The following MAOB variants were observed in gnomAD, a reference collection of about 807,000 sequenced individuals.
MAOB encodes the protein amine oxidase [flavin-containing] B.
MAOB carries 15 observed loss-of-function variants against 41.9 expected under a neutral mutation model. The ratio of observed to expected loss-of-function variants is 0.36; its 90% CI spans 0.24 to 0.55. The LOEUF is 0.55. MAOB is among the 20% of genes least tolerant of loss of function. The pLI is 0.86. For synonymous variants in MAOB, 167 were observed against 144.2 expected (o/e 1.16, Z -1.13); for missense variants, 345 against 398.7 (o/e 0.87, Z 1.15).
intron 11 of MAOB, among the ~76,000 whole-genome samples, chrX:43,775,648 C>A (rs922748658): frequency 9.0e-6 from 1 of 111,657 alleles, no homozygotes; most frequent in African/African-American, 3.3e-5. Context: ...GAAAAAAAGA[C>A]AGAAAAATAT....
At chrX:43,837,264 C>A (rs910584319) in intron 3 of MAOB, among the ~76,000 whole-genome samples, 1 of 112,715 alleles carries the variant, frequency 8.9e-6, no homozygotes, top group Non-Finnish European at 1.9e-5. Flanking sequence ...TGATGTTCAA[C>A]AAATCACATT....
intron 1 of MAOB, among the ~76,000 whole-genome samples, chrX:43,869,697 A>AT (rs1442943906): frequency 8.9e-6 from 1 of 112,404 alleles, no homozygotes; most frequent in Non-Finnish European, 1.9e-5. Context: ...CTCTTACATC[A>AT]TTTTTTGAAT....
chrX:43,770,746 C>T (rs772962211), intron 12 of MAOB, among the ~76,000 whole-genome samples: 166 of 111,970 alleles, frequency 1.5e-3, no homozygotes, highest in African/African-American at 4.7e-3. Flanking sequence ...CCATGTCTAA[C>T]AGATGTCAAA....
chrX:43,881,595 GC>G (rs1445382225), intron 1 of MAOB, among the ~76,000 whole-genome samples: 1 of 112,120 alleles, frequency 8.9e-6, no homozygotes, highest in African/African-American at 3.3e-5. Context: ...CCCCATCCTT[GC>G]CAAATATGGG....
intron 1 of MAOB, among the ~76,000 whole-genome samples, chrX:43,860,206 T>C (rs1271696143): frequency 8.9e-6 from 1 of 111,998 alleles, no homozygotes; most frequent in African/African-American, 3.2e-5. Flanking sequence ...TTGAGCCTCT[T>C]CTTTTTTCAA....
intron 1 of MAOB, among the ~76,000 whole-genome samples, chrX:43,856,838 G>A (rs1283154034): frequency 1.1e-4 from 12 of 108,557 alleles, no homozygotes; most frequent in African/African-American, 4.0e-4. Context: ...TGCCCCAAGG[G>A]TGACAGAGAC....
At chrX:43,876,553 T>C (rs1211307870) in intron 1 of MAOB, among the ~76,000 whole-genome samples, 3 of 111,795 alleles carry the variant, frequency 2.7e-5, no homozygotes, top group Non-Finnish European at 3.8e-5. Context: ...AAGCTCCACA[T>C]TTAGGGGAAC....
intron 1 of MAOB, among the ~76,000 whole-genome samples, chrX:43,856,731 T>C (rs769961407): frequency 1.7e-3 from 184 of 110,489 alleles, no homozygotes; most frequent in African/African-American, 6.0e-3. Flanking sequence ...TATTTACTAT[T>C]CATTAAGTGG....
intron 2 of MAOB, among the ~76,000 whole-genome samples, chrX:43,842,220 A>T (rs1422555721): frequency 1.8e-5 from 2 of 112,478 alleles, no homozygotes; most frequent in African/African-American, 6.5e-5. Flanking sequence ...CAAGAGACAA[A>T]TAACCAGATT....
chrX:43,870,984 C>T (rs1272980550), intron 1 of MAOB, among the ~76,000 whole-genome samples: 1 of 110,606 alleles, frequency 9.0e-6, no homozygotes, highest in Admixed American at 9.7e-5. Context: ...TAAGCAGCCT[C>T]TGAGATGGGT....
chrX:43,882,206 C>G, intron 1 of MAOB, 48 bp downstream of exon 1: 1 of 1,200,558 alleles, frequency 8.3e-7, no homozygotes, highest in Non-Finnish European at 1.1e-6. Flanking sequence ...CAGGCAGCCA[C>G]CTGTCCGAGC....
intron 1 of MAOB, among the ~76,000 whole-genome samples, chrX:43,874,096 G>GT: frequency 1.8e-5 from 2 of 112,123 alleles, no homozygotes; most frequent in African/African-American, 6.5e-5. Flanking sequence ...TCTGTTTTTA[G>GT]TTTTTTAAAG....
intron 3 of MAOB, among the ~76,000 whole-genome samples, chrX:43,806,950 T>C (rs1373183044): frequency 9.0e-6 from 1 of 111,473 alleles, no homozygotes; most frequent in Non-Finnish European, 1.9e-5. Flanking sequence ...TTTTTGGCAC[T>C]AGAAGATTCT....
chrX:43,858,991 A>T (rs1602030913), intron 1 of MAOB, among the ~76,000 whole-genome samples: 1 of 111,774 alleles, frequency 8.9e-6, no homozygotes, highest in East Asian at 2.8e-4. Context: ...CCTTTGAGAT[A>T]ATTTACACTT....
chrX:43,836,470 CT>C (rs915321658), intron 3 of MAOB, among the ~76,000 whole-genome samples: 1 of 111,361 alleles, frequency 9.0e-6, no homozygotes, highest in African/African-American at 3.3e-5. Context: ...CTGCAGAAAC[CT>C]TTTTTTTACA....
At chrX:43,810,245 A>G (rs2034729947) in intron 3 of MAOB, among the ~76,000 whole-genome samples, 1 of 95,797 alleles carries the variant, frequency 1.0e-5, no homozygotes, top group African/African-American at 3.9e-5. Context: ...TCTGTCTCAA[A>G]AAAAAAAAAA....
rs889796325 is a variant in MAOB at position 43,875,636 on chromosome X, T to C, written c.46+6618A>G. Among the ~76,000 whole-genome samples the C allele has an allele frequency of 5.4e-4, 60 of 111,936 alleles. 1 individual carries two copies. Among genetic ancestry groups the C allele is most frequent in the African/African-American group, 1.9e-3 (57 of 30,743 alleles). On this transcript the variant is annotated intron_variant, in intron 1 of 14. Coordinates refer to ENST00000378069, the MANE Select transcript of MAOB (RefSeq NM_000898.5). ...AAAACACTCGTTCTTCAGACACATA[T>C]TACACCTGAACGTGGCCCCTCAATT...
chrX:43,790,277 A>G (rs1047672976), intron 8 of MAOB, among the ~76,000 whole-genome samples: 19 of 112,394 alleles, frequency 1.7e-4, no homozygotes, highest in South Asian at 3.7e-4. Flanking sequence ...AGATTTCATT[A>G]CAGAAACTTT....
intron 3 of MAOB, among the ~76,000 whole-genome samples, chrX:43,814,872 GA>G (rs2034789781): frequency 1.8e-5 from 2 of 111,801 alleles, no homozygotes; most frequent in South Asian, 7.5e-4. Context: ...AATTTATTCT[GA>G]AAAAAGTAAA....
Sources: allele counts gnomAD v4.1 joint callset (sites outside exome capture counted in the v4.1 genomes callset), GRCh38; gene constraint gnomAD v4.1.1; transcripts MANE v1.5; gene names NCBI Gene and HGNC (gene_info 2026-07-23, HGNC 2026-07-21).